Variants in NECTIN3 observed in about 807,000 individuals in gnomAD.
The protein encoded by NECTIN3 is nectin-3.
NECTIN3 carries 8 observed loss-of-function variants against 49.4 expected under a neutral mutation model. That is an observed-to-expected ratio of 0.16 (90% CI 0.10 to 0.29). The LOEUF (loss-of-function observed/expected upper bound fraction) is 0.29, where lower values mean the gene tolerates loss of function less well. Ranked by LOEUF, NECTIN3 falls within the 10% of genes least tolerant of loss-of-function variation. NECTIN3 has a pLI of 1.00. For synonymous variants in NECTIN3, 277 were observed against 241.1 expected (o/e 1.15, Z -1.38); for missense variants, 581 against 654.6 (o/e 0.89, Z 1.23).
chr3:111,182,832 TACTTA>T (rs1559821934), intron 7 of NECTIN3, among the ~76,000 whole-genome samples: 1 of 152,112 alleles, frequency 6.6e-6, no homozygotes, highest in Non-Finnish European at 1.5e-5. Context: ...TTGCCACTTT[TACTTA>T]ACTTATTTAT....
At chr3:111,114,455 T>C (rs2033604848) in intron 2 of NECTIN3, among the ~76,000 whole-genome samples, 1 of 152,164 alleles carries the variant, frequency 6.6e-6, no homozygotes, top group South Asian at 2.1e-4. Context: ...TATTATGTTT[T>C]CTCCACTATA....
intron 1 of NECTIN3, among the ~76,000 whole-genome samples, chr3:111,089,918 GTGCATA>G (rs1344367686): frequency 6.6e-6 from 1 of 151,908 alleles, no homozygotes; most frequent in Non-Finnish European, 1.5e-5. Context: ...TTTTTGCCCC[GTGCATA>G]TTAGGTTATG....
chr3:111,191,297 G>T (rs558333184), upstream of NECTIN3, among the ~76,000 whole-genome samples: 81 of 152,248 alleles, frequency 5.3e-4, no homozygotes, highest in Non-Finnish European at 4.3e-4. Context: ...TATTAGTTTT[G>T]TTGAAGTATT....
Position 111,134,044 on chromosome 3 carries a change from T to A in NECTIN3, c.1479T>A (p.Thr493=). The change falls in exon 6 of 6, where the codon ACT becomes ACA. Residue 493 remains threonine (T), a synonymous_variant. Coordinates refer to ENST00000485303, the MANE Select transcript of NECTIN3 (RefSeq NM_015480.3). ...RKDYLEEPEK[T]QWNNVENLNR... The stretch of plus-strand genomic sequence containing the variant: ...ACTATTTAGAAGAGCCTGAAAAAAC[T>A]CAGTGGAACAATGTAGAAAATCTCA... The A allele has an allele frequency of 6.2e-7, 1 of 1,613,114 alleles. No homozygotes were observed. Among genetic ancestry groups the A allele is most frequent in the Non-Finnish European group, 8.5e-7 (1 of 1,179,594 alleles).
In NECTIN3 at chr3:111,134,107, A is replaced by G. The variant is rs1466582452; in HGVS notation, c.1542A>G (p.Leu514=). The part of the protein sequence containing the change: ...FERPMDYYED[L]KMGMKFVSDE... ...GACCAATGGATTATTATGAAGATCT[A>G]AAAATGGGAATGAAGTTTGTCAGTG... Residue 514 remains leucine, a synonymous_variant, in exon 6 of 6, where the codon CTA becomes CTG. Coordinates refer to ENST00000485303, the MANE Select transcript of NECTIN3 (RefSeq NM_015480.3). 2.2e-5 allele frequency: 36 copies of G among 1,613,520 alleles called. No homozygotes were observed. The highest frequency in any genetic ancestry group is 4.0e-5 in the African/African-American group (3 of 74,914).
chr3:111,117,656 C>T (rs573672766), intron 2 of NECTIN3, among the ~76,000 whole-genome samples: 1 of 151,256 alleles, frequency 6.6e-6, no homozygotes, highest in East Asian at 1.9e-4. Flanking sequence ...TCAATACCAT[C>T]AAGAACAGAT....
At chr3:111,140,357 C>T (rs1209121338), downstream of NECTIN3, among the ~76,000 whole-genome samples, 3 of 144,450 alleles carry the variant, frequency 2.1e-5, no homozygotes, top group East Asian at 4.0e-4. Flanking sequence ...TGCATTTGAT[C>T]TTTTTTTTTT....
chr3:111,181,924 C>T (rs948174842), intron 7 of NECTIN3, among the ~76,000 whole-genome samples: 1 of 151,226 alleles, frequency 6.6e-6, no homozygotes, highest in Non-Finnish European at 1.5e-5. Context: ...GTTCTTTTTT[C>T]AGTTTCTTAA....
downstream of NECTIN3, among the ~76,000 whole-genome samples, chr3:111,137,748 T>G (rs1417113149): frequency 6.7e-6 from 1 of 149,788 alleles, no homozygotes; most frequent in African/African-American, 2.4e-5. Context: ...GTTGGCATGT[T>G]GGCCACTGTA....
chr3:111,134,220 C>A lies in NECTIN3; in HGVS notation c.*5C>A. 2 of 1,581,228 alleles carry A rather than the reference C, an allele frequency of 1.3e-6. No individual in the cohort carries two copies. The highest frequency in any genetic ancestry group is 1.2e-5 in the South Asian group (1 of 83,480). ...AGGAGGGAGTGGTATGTTTAGCAAC[C>A]ACTGAATGTGACTTAACTATGTACA... On this transcript the variant is annotated 3_prime_UTR_variant, in exon 6 of 6. Transcript: ENST00000485303.
chr3:111,135,573 C>G lies in NECTIN3; in HGVS notation c.*1358C>G. The G allele has an allele frequency of 1.0e-6, 1 of 975,130 alleles. No homozygotes were observed. 60.4% of individuals were successfully genotyped at this position (975,130 alleles called of 1,614,324 possible). On this transcript the variant is annotated 3_prime_UTR_variant, in exon 6 of 6. Coordinates refer to ENST00000485303, the MANE Select transcript of NECTIN3 (RefSeq NM_015480.3). ...AGCTGAAAGGATAGTTTTTCTATTG[C>G]TAAGTCATTTGAAAAAGTGACCATT... is the stretch of plus-strand genomic sequence containing the variant.
intron 1 of NECTIN3, among the ~76,000 whole-genome samples, chr3:111,088,286 C>T (rs1008652188): frequency 7.2e-5 from 11 of 152,088 alleles, no homozygotes; most frequent in Admixed American, 2.6e-4. Context: ...CTGTACAACC[C>T]AGCTGTCCTT....
intron 5 of NECTIN3, among the ~76,000 whole-genome samples, chr3:111,127,952 C>T (rs763263274): frequency 1.3e-5 from 2 of 152,104 alleles, no homozygotes. Context: ...TTAAAATATA[C>T]TTAAGGACTG....
At chr3:111,075,018 A>C (rs2031079358) in intron 1 of NECTIN3, 1 of 152,078 alleles carries the variant, frequency 6.6e-6, no homozygotes, top group Non-Finnish European at 1.5e-5. Flanking sequence ...CTTAAGATGA[A>C]TGTTTAAAAG....
intron 7 of NECTIN3, among the ~76,000 whole-genome samples, chr3:111,184,442 C>T (rs2035683713): frequency 6.6e-6 from 1 of 152,164 alleles, no homozygotes; most frequent in South Asian, 2.1e-4. Context: ...CCCCACTTTT[C>T]TCTCTGCGTT....
Position 111,137,175 on chromosome 3 carries a change from T to C in NECTIN3, c.*2960T>C, listed in dbSNP as rs967292802. The C allele has an allele frequency of 1.1e-6, 1 of 939,940 alleles. No individual in the cohort carries two copies. The highest frequency in any genetic ancestry group is 1.3e-6 in the Non-Finnish European group (1 of 788,824). The allele number at this position is 939,940 out of a possible 1,614,324, so 58.2% of individuals were successfully genotyped here. On this transcript the variant is annotated 3_prime_UTR_variant, in exon 6 of 6. Transcript: ENST00000485303. ...GATTTGAGTTTTTGATAAATACTGC[T>C]AAAACACAGTATATGAACAAGTAAG...
chr3:111,100,757 G>T (rs931943886), intron 1 of NECTIN3, among the ~76,000 whole-genome samples: 1 of 145,978 alleles, frequency 6.9e-6, no homozygotes, highest in African/African-American at 2.8e-5. Context: ...TAATTCATTA[G>T]TATTTTAAAA....
chr3:111,135,394 TTTG>T lies in NECTIN3; in HGVS notation c.*1182_*1184del. The stretch of plus-strand genomic sequence containing the variant: ...AACTGGAAACATGAGGTTTTTTGTT[TTTG>T]TTTTTTTACATAATTACATATATTC... On this transcript the variant is annotated 3_prime_UTR_variant, in exon 6 of 6. Coordinates refer to ENST00000485303, the MANE Select transcript of NECTIN3 (RefSeq NM_015480.3). The T allele has an allele frequency of 2.1e-6, 2 of 934,036 alleles. No individual in the cohort carries two copies. The highest frequency in any genetic ancestry group is 2.6e-6 in the Non-Finnish European group (2 of 783,462). The allele number at this position is 934,036 out of a possible 1,614,324, so 57.9% of individuals were successfully genotyped here. A position where few individuals can be genotyped will look rare whatever the true frequency, so the allele number is the denominator to read the frequency against.
At chr3:111,163,774 T>C (rs1442583751) in intron 7 of NECTIN3, among the ~76,000 whole-genome samples, 1 of 152,178 alleles carries the variant, frequency 6.6e-6, no homozygotes, top group African/African-American at 2.4e-5. Flanking sequence ...TTAATATTTT[T>C]ATGTCACAAT....
Sources: gnomAD v4.1 joint callset for allele counts (sites outside exome capture counted in the v4.1 genomes callset) on GRCh38, gnomAD v4.1.1 for gene constraint, MANE v1.5 for transcripts, NCBI Gene and HGNC (gene_info 2026-07-23, HGNC 2026-07-21) for gene names.